The following PCDH15 variants were observed in gnomAD, a reference collection of about 807,000 sequenced individuals.
PCDH15 encodes protocadherin-15.
Under a neutral mutation model 178.5 loss-of-function variants are expected in PCDH15, and 129 were observed. The observed-to-expected ratio is 0.72, with a 90% CI of 0.63 to 0.84. The LOEUF is 0.84. PCDH15 is among the 40% of genes least tolerant of loss of function. The probability of loss-of-function intolerance (pLI) is 0.00; values close to 1 mark genes in which losing one functional copy is unlikely to be tolerated. For synonymous variants in PCDH15, 800 were observed against 732.0 expected (o/e 1.09, Z -1.50); for missense variants, 2,230 against 2,099.9 (o/e 1.06, Z -1.21).
chr10:54,205,957 A>G (rs1441016311), intron 10 of PCDH15, among the ~76,000 whole-genome samples: 2 of 152,096 alleles, frequency 1.3e-5, no homozygotes, highest in East Asian at 3.8e-4. Flanking sequence ...CTTTTTTTGT[A>G]TGACAAAAAG....
At chr10:54,569,945 C>T (rs1234859971) in intron 2 of PCDH15, among the ~76,000 whole-genome samples, 1 of 151,882 alleles carries the variant, frequency 6.6e-6, no homozygotes, top group African/African-American at 2.4e-5. Context: ...TAGATAAGAT[C>T]TAAAGTTAAA....
chr10:54,533,566 C>T (rs1397675500), intron 2 of PCDH15, among the ~76,000 whole-genome samples: 1 of 151,956 alleles, frequency 6.6e-6, no homozygotes, highest in Admixed American at 6.6e-5. Flanking sequence ...ATGATTTTAC[C>T]AAACTGTATC....
intron 2 of PCDH15, among the ~76,000 whole-genome samples, chr10:54,957,297 CCTT>C (rs1838514102): frequency 6.6e-6 from 1 of 151,312 alleles, no homozygotes; most frequent in African/African-American, 2.4e-5. Context: ...TTAGGAGAAT[CCTT>C]CTGAGGATAA....
At chr10:54,242,389 G>C (rs1011125278) in intron 8 of PCDH15, among the ~76,000 whole-genome samples, 5 of 151,172 alleles carry the variant, frequency 3.3e-5, no homozygotes, top group African/African-American at 9.7e-5. Context: ...TCACTGTTTA[G>C]CTTATATCAG....
chr10:54,058,716 C>G (rs1028886480), intron 18 of PCDH15, among the ~76,000 whole-genome samples: 2 of 145,868 alleles, frequency 1.4e-5, no homozygotes, highest in African/African-American at 2.6e-5. Context: ...TTTTTTAGAC[C>G]AAGTTTTGCT....
chr10:54,055,589 C>T (rs2093868742), intron 18 of PCDH15, among the ~76,000 whole-genome samples: 1 of 152,116 alleles, frequency 6.6e-6, no homozygotes, highest in Non-Finnish European at 1.5e-5. Flanking sequence ...CTGACCTTAG[C>T]AGACTCCTCA....
intron 2 of PCDH15, among the ~76,000 whole-genome samples, chr10:55,585,730 T>C (rs1842714370): frequency 6.6e-6 from 1 of 152,108 alleles, no homozygotes; most frequent in South Asian, 2.1e-4. Context: ...TATGTATGTG[T>C]ATATGTGTGT....
At chr10:55,432,604 CAG>C (rs907612183) in intron 2 of PCDH15, among the ~76,000 whole-genome samples, 4 of 152,038 alleles carry the variant, frequency 2.6e-5, no homozygotes, top group Non-Finnish European at 5.9e-5. Context: ...AGAGACATTT[CAG>C]AGTTTTTTCT....
chr10:55,034,585 C>G (rs1840691325), intron 2 of PCDH15, among the ~76,000 whole-genome samples: 1 of 152,058 alleles, frequency 6.6e-6, no homozygotes, highest in Non-Finnish European at 1.5e-5. Flanking sequence ...AAAGTAGGCA[C>G]TGGAGATACA....
intron 8 of PCDH15, among the ~76,000 whole-genome samples, chr10:54,282,522 T>TA (rs1193567504): frequency 6.6e-6 from 1 of 152,140 alleles, no homozygotes; most frequent in Non-Finnish European, 1.5e-5. Context: ...GCTTAGGTAT[T>TA]ATTCAAATGT....
At chr10:54,979,066 CA>C (rs1839152116) in intron 2 of PCDH15, among the ~76,000 whole-genome samples, 1 of 152,042 alleles carries the variant, frequency 6.6e-6, no homozygotes, top group Admixed American at 6.6e-5. Context: ...GGTGAAGAAA[CA>C]GGTGCAGAGA....
intron 7 of PCDH15, among the ~76,000 whole-genome samples, chr10:54,325,950 TA>T (rs934315112): frequency 1.1e-4 from 17 of 151,584 alleles, no homozygotes; most frequent in African/African-American, 2.7e-4. Flanking sequence ...AAGATAAATG[TA>T]AAAAAAATGG....
At chr10:54,521,186 C>T (rs2082823852) in intron 3 of PCDH15, among the ~76,000 whole-genome samples, 1 of 151,962 alleles carries the variant, frequency 6.6e-6, no homozygotes, top group Non-Finnish European at 1.5e-5. Flanking sequence ...ACATTGTGCA[C>T]ATGTACCCTA....
At chr10:53,882,583 G>A (rs189326302) in intron 26 of PCDH15, among the ~76,000 whole-genome samples, 40 of 152,130 alleles carry the variant, frequency 2.6e-4, no homozygotes, top group Admixed American at 1.5e-3. Flanking sequence ...GTCTGGTCTC[G>A]AACTCCTGAC....
At chr10:54,059,370 A>T (rs1040291655) in intron 18 of PCDH15, among the ~76,000 whole-genome samples, 1 of 152,222 alleles carries the variant, frequency 6.6e-6, no homozygotes, top group Non-Finnish European at 1.5e-5. Flanking sequence ...AATAATAATT[A>T]TGCATAACCC....
intron 3 of PCDH15, among the ~76,000 whole-genome samples, chr10:54,390,318 A>T (rs1950398742): frequency 1.3e-5 from 2 of 151,894 alleles, no homozygotes; most frequent in Admixed American, 6.6e-5. Flanking sequence ...GTTTTGAGAC[A>T]GTCTCGTTCT....
intron 10 of PCDH15, among the ~76,000 whole-genome samples, chr10:54,197,890 T>C (rs1364899761): frequency 6.6e-6 from 1 of 152,238 alleles, no homozygotes; most frequent in Non-Finnish European, 1.5e-5. Context: ...GGTAATGTCA[T>C]ATAATGCATT....
At chr10:55,030,294 G>A (rs1275348057) in intron 2 of PCDH15, among the ~76,000 whole-genome samples, 1 of 152,148 alleles carries the variant, frequency 6.6e-6, no homozygotes, top group Non-Finnish European at 1.5e-5. Flanking sequence ...ACATGCCAGA[G>A]GGCTGAGGAA....
At chr10:53,823,379 T>G (rs888092028) in intron 32 of PCDH15, 3 of 1,604,090 alleles carry the variant, frequency 1.9e-6, no homozygotes, top group Non-Finnish European at 2.6e-6. Context: ...AAGAAGATAA[T>G]GAAATGTAAG....
Sources: allele counts gnomAD v4.1 joint callset (sites outside exome capture counted in the v4.1 genomes callset), GRCh38; gene constraint gnomAD v4.1.1; transcripts MANE v1.5; gene names NCBI Gene and HGNC (gene_info 2026-07-23, HGNC 2026-07-21).